SNX29: variants seen among roughly 807,000 people sequenced by gnomAD.
SNX29 encodes sorting nexin-29.
Under a neutral mutation model 102.1 loss-of-function variants are expected in SNX29, and 78 were observed. The observed-to-expected ratio is 0.76, with a 90% CI of 0.64 to 0.92. SNX29 has a LOEUF of 0.92. Among genes scored for constraint, SNX29 ranks in the 40% least tolerant of loss-of-function variants. The pLI is 0.00. For missense variants in SNX29, 1,280 were observed against 1,061.7 expected, an observed-to-expected ratio of 1.21 and a Z score of -2.86; for synonymous variants, 580 against 414.5, an observed-to-expected ratio of 1.40 and a Z score of -4.85.
chr16:12,070,225 G>A (rs1169512500), intron 10 of SNX29, among the ~76,000 whole-genome samples: 2 of 151,780 alleles, frequency 1.3e-5, no homozygotes, highest in Admixed American at 6.6e-5. Context: ...TGTGCACAAT[G>A]TTCAGGTTAG....
intron 18 of SNX29, among the ~76,000 whole-genome samples, chr16:12,442,297 G>A (rs74726369): frequency 1.2e-3 from 189 of 152,298 alleles, no homozygotes; most frequent in African/African-American, 4.3e-3. Flanking sequence ...CCTTCTGACA[G>A]TGTCACTCAG....
At chr16:12,134,569 C>G (rs2054591602) in intron 13 of SNX29, among the ~76,000 whole-genome samples, 1 of 152,210 alleles carries the variant, frequency 6.6e-6, no homozygotes, top group Non-Finnish European at 1.5e-5. Context: ...GTGCGTAACC[C>G]AGGAGCAGGA....
chr16:12,309,449 C>G (rs2080458184), intron 15 of SNX29, among the ~76,000 whole-genome samples: 1 of 152,182 alleles, frequency 6.6e-6, no homozygotes, highest in African/African-American at 2.4e-5. Flanking sequence ...CTGTCCCCTC[C>G]CATCTGTTGC....
chr16:12,332,867 G>A (rs929244805), intron 15 of SNX29, among the ~76,000 whole-genome samples: 2 of 152,024 alleles, frequency 1.3e-5, no homozygotes, highest in African/African-American at 4.8e-5. Flanking sequence ...CACTCCATGT[G>A]CCCTCGTCCT....
intron 4 of SNX29, chr16:12,038,792 G>A (rs1436596918): frequency 1.3e-5 from 2 of 152,256 alleles, no homozygotes; most frequent in African/African-American, 2.4e-5. Context: ...CTGCAGGTGA[G>A]AGTCACTTGA....
chr16:12,302,067 G>C (rs890806888), intron 15 of SNX29, among the ~76,000 whole-genome samples: 1 of 152,122 alleles, frequency 6.6e-6, no homozygotes, highest in Non-Finnish European at 1.5e-5. Context: ...CAGTGCCTAC[G>C]GTCCTTTCTT....
rs1204419244 is a variant in SNX29 at position 12,544,231 on chromosome 16, C to G, written c.2318+19390C>G. On this transcript the variant is annotated intron_variant, in intron 20 of 20. Transcript: ENST00000566228. ...CCGTGACAGCCGGTTCCTCACCACA[C>G]CAAGATTGAAACTAACTTACCCAGA... Among the ~76,000 whole-genome samples the G allele has an allele frequency of 3.3e-5, 5 of 152,136 alleles. No individual in the cohort carries two copies. The East Asian group carries it at 9.6e-4, about 29-fold the overall frequency.
At chr16:12,502,286 T>TATAC in intron 19 of SNX29, among the ~76,000 whole-genome samples, 1 of 152,270 alleles carries the variant, frequency 6.6e-6, no homozygotes, top group South Asian at 2.1e-4. Context: ...TGAGCTAGTG[T>TATAC]AGACCAGCAT....
At chr16:11,984,698 G>A (rs1239101742) in intron 1 of SNX29, among the ~76,000 whole-genome samples, 1 of 151,930 alleles carries the variant, frequency 6.6e-6, no homozygotes, top group East Asian at 1.9e-4. Context: ...CTGTTGCCCA[G>A]GCTGGAATGC....
chr16:12,503,331 C>T (rs2089216338), intron 19 of SNX29, among the ~76,000 whole-genome samples: 1 of 152,192 alleles, frequency 6.6e-6, no homozygotes, highest in African/African-American at 2.4e-5. Context: ...TAAGCAGCTG[C>T]TCCAGGTGCA....
intron 20 of SNX29, among the ~76,000 whole-genome samples, chr16:12,550,956 G>A (rs144893787): frequency 6.6e-6 from 1 of 152,172 alleles, no homozygotes; most frequent in Non-Finnish European, 1.5e-5. Flanking sequence ...CATAAAGGTA[G>A]AATGGGCTTA....
chr16:12,032,323 T>A (rs563284205), intron 4 of SNX29, among the ~76,000 whole-genome samples: 1 of 151,208 alleles, frequency 6.6e-6, no homozygotes, highest in South Asian at 2.1e-4. Context: ...TTCTCCTGCC[T>A]CAGCCTCCCA....
At chr16:12,273,954 G>T (rs2079168566) in intron 14 of SNX29, among the ~76,000 whole-genome samples, 1 of 152,308 alleles carries the variant, frequency 6.6e-6, no homozygotes, top group East Asian at 1.9e-4. Flanking sequence ...AACCCTGCAT[G>T]GCTAGACCGC....
chr16:12,481,947 T>A (rs575000179), intron 19 of SNX29, among the ~76,000 whole-genome samples: 1 of 152,308 alleles, frequency 6.6e-6, no homozygotes, highest in African/African-American at 2.4e-5. Flanking sequence ...CACATCTTAG[T>A]GATTCTTCCC....
chr16:12,146,277 C>G (rs371854856), intron 13 of SNX29, among the ~76,000 whole-genome samples: 13 of 132,920 alleles, frequency 9.8e-5, no homozygotes, highest in Admixed American at 8.9e-4. Context: ...TTTTTTTTTT[C>G]TTTTTGAAGG....
chr16:12,153,470 A>AC, intron 13 of SNX29, among the ~76,000 whole-genome samples: 1 of 148,798 alleles, frequency 6.7e-6, no homozygotes, highest in South Asian at 2.2e-4. Context: ...TCAAAAAAAA[A>AC]AACAAAAAAC....
intron 11 of SNX29, chr16:12,081,463 C>T (rs2051873431): frequency 6.6e-6 from 1 of 152,062 alleles, no homozygotes; most frequent in Admixed American, 6.5e-5. Context: ...ACCAAGAAAT[C>T]ACAGCTTCTG....
intron 14 of SNX29, among the ~76,000 whole-genome samples, chr16:12,266,214 C>T (rs1036697842): frequency 2.6e-5 from 4 of 152,052 alleles, no homozygotes; most frequent in African/African-American, 4.8e-5. Flanking sequence ...TGTGAGCTGC[C>T]GTGTCCAGCT....
chr16:12,452,487 C>T (rs532417270), intron 18 of SNX29, among the ~76,000 whole-genome samples: 1 of 151,234 alleles, frequency 6.6e-6, no homozygotes, highest in Admixed American at 6.6e-5. Flanking sequence ...TACACCGCTC[C>T]GTAGAGACCA....
Sources: allele counts gnomAD v4.1 joint callset (sites outside exome capture counted in the v4.1 genomes callset), GRCh38; gene constraint gnomAD v4.1.1; transcripts MANE v1.5; gene names NCBI Gene and HGNC (gene_info 2026-07-23, HGNC 2026-07-21).